The following CMIP variants were observed in gnomAD, a reference collection of about 807,000 sequenced individuals.
CMIP encodes the protein c-Maf inducing protein.
CMIP carries 13 observed loss-of-function variants against 97.3 expected under a neutral mutation model. The ratio of observed to expected loss-of-function variants is 0.13; its 90% CI spans 0.09 to 0.21. CMIP has a LOEUF of 0.21. Ranked by LOEUF, CMIP falls within the 10% of genes least tolerant of loss-of-function variation. The pLI is 1.00. For missense variants in CMIP, 847 were observed against 1,024.9 expected (o/e 0.83, Z 2.37); for synonymous variants, 538 against 436.3 (o/e 1.23, Z -2.91).
Position 81,655,162 on chromosome 16 carries a change from G to A in CMIP, c.640-2613G>A, listed in dbSNP as rs2092468829. Reference sequence around the variant, plus strand: ...AACCCCGTAAGCACCTTCAGCCAGGGGTCTGGAGCTAGTAGCTGGAAAAAC... The same window carrying A: ...AACCCCGTAAGCACCTTCAGCCAGGAGTCTGGAGCTAGTAGCTGGAAAAAC... On this transcript the variant is annotated intron_variant, in intron 4 of 20. Coordinates refer to ENST00000537098, the MANE Select transcript of CMIP (RefSeq NM_198390.3). This position sits in a 1 kb window ranked among gnomAD's most constrained non-coding sequence, Gnocchi z 4.9. Among the ~76,000 whole-genome samples the A allele has an allele frequency of 6.6e-6, 1 of 152,136 alleles. No homozygotes were observed. Among genetic ancestry groups the A allele is most frequent in the African/African-American group, 2.4e-5 (1 of 41,406 alleles).
In CMIP at chr16:81,640,416, G is replaced by A. The variant is rs563331240; in HGVS notation, c.478-11787G>A. ...ATGATGGGGCTGGACGGCTCAGCTCGAGTCACCGCAGTAAGATGGCAGACT... is the reference window on the plus strand; with the variant it reads ...ATGATGGGGCTGGACGGCTCAGCTCAAGTCACCGCAGTAAGATGGCAGACT... On this transcript the variant is annotated intron_variant, in intron 3 of 20. Coordinates refer to ENST00000537098, the MANE Select transcript of CMIP (RefSeq NM_198390.3). Among the ~76,000 whole-genome samples, 12 of 152,102 alleles carry A rather than the reference G, an allele frequency of 7.9e-5. 1 individual carries two copies. The highest frequency in any genetic ancestry group is 2.9e-4 in the African/African-American group (12 of 41,476).
rs542023651 is a variant in CMIP, at chr16:81,610,383, G to A, written c.426+2691G>A. The A allele has an allele frequency of 5.9e-5, 58 of 985,656 alleles. No homozygotes were observed. In the East Asian group the frequency reaches 4.7e-3, roughly 79 times the overall value. The allele number at this position is 985,656 out of a possible 1,614,324, so 61.1% of individuals were successfully genotyped here. A position where few individuals can be genotyped will look rare whatever the true frequency, so the allele number is the denominator to read the frequency against. ...CACTTGCTCACTGCCCCCTGATCCC[G>A]TGGACAGCGCAGTCAGAGGCAGGAG... On this transcript the variant is annotated intron_variant, in intron 2 of 20. Transcript: ENST00000537098.
intron 10 of CMIP, among the ~76,000 whole-genome samples, chr16:81,688,093 C>T (rs1448736402): frequency 6.6e-6 from 1 of 151,840 alleles, no homozygotes; most frequent in Non-Finnish European, 1.5e-5. Context: ...CAGTGGTCTT[C>T]CCAGGGTCGG....
At chr16:81,531,485 C>A (rs1399450345) in intron 1 of CMIP, among the ~76,000 whole-genome samples, 1 of 152,222 alleles carries the variant, frequency 6.6e-6, no homozygotes, top group Non-Finnish European at 1.5e-5. Flanking sequence ...TCAGTCCAGT[C>A]TCGATTCTAC....
At chr16:81,638,021 C>G (rs936332251) in intron 3 of CMIP, among the ~76,000 whole-genome samples, 2 of 151,890 alleles carry the variant, frequency 1.3e-5, no homozygotes, top group African/African-American at 4.9e-5. Context: ...GGCCCCACCT[C>G]CTAACACCCC....
intron 1 of CMIP, among the ~76,000 whole-genome samples, chr16:81,567,799 C>T (rs531696422): frequency 6.6e-5 from 10 of 152,324 alleles, no homozygotes; most frequent in South Asian, 2.1e-4. Context: ...CTCCCCGAAG[C>T]GCAGAGATTC....
At chr16:81,650,548 A>G (rs1034413478) in intron 3 of CMIP, among the ~76,000 whole-genome samples, 9 of 152,182 alleles carry the variant, frequency 5.9e-5, no homozygotes, top group African/African-American at 1.9e-4. Context: ...GGCAATGAGT[A>G]TATCAGAGGC....
intron 5 of CMIP, among the ~76,000 whole-genome samples, chr16:81,658,434 C>G (rs78565356): frequency 1.0e-3 from 156 of 152,324 alleles, no homozygotes; most frequent in African/African-American, 3.6e-3. Flanking sequence ...AGTTCATCAT[C>G]TATTGTAGGA....
chr16:81,447,416 CTCGAGGCTAA>C (rs796174271), intron 1 of CMIP, among the ~76,000 whole-genome samples: 40 of 152,178 alleles, frequency 2.6e-4, no homozygotes, highest in African/African-American at 8.7e-4. Context: ...AAAGCCAGCT[CTCGAGGCTAA>C]TGCCTCCCCA....
chr16:81,495,031 C>T (rs1278001072), intron 1 of CMIP, among the ~76,000 whole-genome samples: 1 of 152,152 alleles, frequency 6.6e-6, no homozygotes, highest in Non-Finnish European at 1.5e-5. Context: ...GATGACAAAA[C>T]CTTACACTTG....
At chr16:81,694,982 A>G (rs4281702) in intron 13 of CMIP, among the ~76,000 whole-genome samples, 38,107 of 152,106 alleles carry the variant, frequency 0.25, 4,814 homozygotes, top group Middle Eastern at 0.28. Flanking sequence ...GCGTCTCAGA[A>G]TTCTCCTGGG....
rs567097724 is a variant in CMIP, at chr16:81,490,068, C to T, written c.300+44527C>T. On this transcript the variant is annotated intron_variant, in intron 1 of 20. Transcript: ENST00000537098. ...AGAGGGCAAGAGACCTGTGGACACG[C>T]CTGCACGCCTGTGCCAGAGGCCTGT... Among the ~76,000 whole-genome samples, 11 of 152,306 alleles carry T rather than the reference C, an allele frequency of 7.2e-5. No homozygotes were observed. The South Asian group carries it at 2.1e-3, about 29-fold the overall frequency.
chr16:81,610,529 AG>A, intron 2 of CMIP: 2 of 985,482 alleles, frequency 2.0e-6, no homozygotes, highest in Non-Finnish European at 2.4e-6. Flanking sequence ...CCTTCCCCCA[AG>A]GGGAACCCAG....
chr16:81,470,365 G>A (rs1487773910), intron 1 of CMIP, among the ~76,000 whole-genome samples: 3 of 152,246 alleles, frequency 2.0e-5, no homozygotes, highest in African/African-American at 4.8e-5. Context: ...TGGTGGCTGG[G>A]GTTCTGGGCA....
At chr16:81,622,514 CG>C (rs1254751831) in intron 3 of CMIP, among the ~76,000 whole-genome samples, 3 of 152,068 alleles carry the variant, frequency 2.0e-5, no homozygotes, top group Non-Finnish European at 1.5e-5. Context: ...GTGTTGGTCA[CG>C]GGGGTACCAC....
intron 1 of CMIP, among the ~76,000 whole-genome samples, chr16:81,542,633 G>T (rs779729894): frequency 2.0e-5 from 3 of 152,184 alleles, no homozygotes; most frequent in Non-Finnish European, 2.9e-5. Flanking sequence ...AGGTCAAGGT[G>T]CTGGCCTGGC....
rs146313427 is a variant in CMIP at position 81,579,481 on chromosome 16, C to T, written c.301-28086C>T. Among the ~76,000 whole-genome samples, 557 of 152,330 alleles carry T rather than the reference C, an allele frequency of 3.7e-3. 6 individuals carry two copies. Among genetic ancestry groups the T allele is most frequent in the African/African-American group, 0.013 (527 of 41,576 alleles). ...TAGTGTCATGTTCACCTTGAGCCTC[C>T]TTCTTGAAGGAAACCAGCAGAACCC... On this transcript the variant is annotated intron_variant, in intron 1 of 20. Coordinates refer to ENST00000537098, the MANE Select transcript of CMIP (RefSeq NM_198390.3).
In CMIP at chr16:81,653,332, C is replaced by T. The variant is rs573747130; in HGVS notation, c.639+968C>T. 1.1e-4 allele frequency among the ~76,000 whole-genome samples: 16 copies of T among 152,308 alleles called. No individual in the cohort carries two copies. The East Asian group carries it at 2.3e-3, about 22-fold the overall frequency. On this transcript the variant is annotated intron_variant, in intron 4 of 20. Coordinates refer to ENST00000537098, the MANE Select transcript of CMIP (RefSeq NM_198390.3). ...CCTTTCTCTGCAGGCCCACACTGGC[C>T]GCTGCCCGTGGGACGGGGCCTGGCA...
chr16:81,608,599 G>C (rs1406409761), intron 2 of CMIP, among the ~76,000 whole-genome samples: 1 of 151,710 alleles, frequency 6.6e-6, no homozygotes, highest in Non-Finnish European at 1.5e-5. Flanking sequence ...GCCCACCCTT[G>C]ACCTCAGGCA....
Sources: allele counts gnomAD v4.1 joint callset (sites outside exome capture counted in the v4.1 genomes callset), GRCh38; gene constraint gnomAD v4.1.1; non-coding constraint Gnocchi (gnomAD v3.1); transcripts MANE v1.5; gene names NCBI Gene and HGNC (gene_info 2026-07-23, HGNC 2026-07-21).